The following CHD7 variants were observed in gnomAD, a reference collection of about 807,000 sequenced individuals.
CHD7 encodes the protein ATP-dependent chromatin remodeler CHD7.
In CHD7, 24 loss-of-function variants were observed where a neutral mutation model predicts 307.3. That is an observed-to-expected ratio of 0.08 (90% confidence interval 0.06 to 0.11). CHD7 has a LOEUF of 0.11. Among genes scored for constraint, CHD7 ranks in the 10% least tolerant of loss-of-function variants. The probability of loss-of-function intolerance (pLI) is 1.00; values close to 1 mark genes in which losing one functional copy is unlikely to be tolerated. For synonymous variants in CHD7, 1,363 were observed against 1,349.9 expected (o/e 1.01, Z -0.21); for missense variants, 3,106 against 3,727.1 (o/e 0.83, Z 4.34).
At chr8:60,754,286 A>T (rs1432081718) in intron 2 of CHD7, among the ~76,000 whole-genome samples, 1 of 152,228 alleles carries the variant, frequency 6.6e-6, no homozygotes, top group Non-Finnish European at 1.5e-5. Flanking sequence ...TAAATGATAC[A>T]TACTTAACTT....
intron 6 of CHD7, among the ~76,000 whole-genome samples, chr8:60,803,308 G>A (rs951995477): frequency 4.6e-5 from 7 of 152,180 alleles, no homozygotes; most frequent in African/African-American, 1.4e-4. Context: ...AGGTTTAGGG[G>A]TTGCAAATTA....
intron 2 of CHD7, among the ~76,000 whole-genome samples, chr8:60,768,427 T>C (rs1810571405): frequency 6.6e-6 from 1 of 152,216 alleles, no homozygotes; most frequent in Non-Finnish European, 1.5e-5. Context: ...ACAACTTCTC[T>C]AAAAGGAGCC....
chr8:60,723,274 C>T (rs1343815319), intron 1 of CHD7, among the ~76,000 whole-genome samples: 2 of 151,968 alleles, frequency 1.3e-5, no homozygotes, highest in African/African-American at 4.8e-5. Flanking sequence ...CAATTGTTTT[C>T]TTGGAAGTAA....
intron 13 of CHD7, among the ~76,000 whole-genome samples, chr8:60,828,043 T>A (rs1283158202): frequency 1.3e-5 from 2 of 151,618 alleles, no homozygotes; most frequent in Admixed American, 1.3e-4. Flanking sequence ...GGGGAAAGAG[T>A]TCGTAAACAG....
rs371898908 is a variant in CHD7, at chr8:60,865,129, G to A, written c.8190G>A (p.Ala2730=). The A allele has an allele frequency of 1.4e-4, 233 of 1,610,820 alleles. No individual in the cohort carries two copies. Among genetic ancestry groups the A allele is most frequent in the East Asian group, 4.9e-4 (22 of 44,790 alleles). ...RPKSEIARAA[A]AAAAVASTSG... is the part of the protein sequence containing the mutation. ...AAAGTGAGATCGCCAGAGCAGCCGC[G>A]GCCGCCGCTGCTGTGGCCTCCACGT... The change falls in exon 38 of 38, where the codon GCG becomes GCA. Residue 2730 remains alanine, a synonymous_variant. Transcript: ENST00000423902. The surrounding 1 kb of genome is among the most constrained non-coding windows in gnomAD (Gnocchi z 4.3).
At chr8:60,789,709 C>CT (rs1043573528) in intron 3 of CHD7, among the ~76,000 whole-genome samples, 2 of 152,208 alleles carry the variant, frequency 1.3e-5, no homozygotes, top group African/African-American at 4.8e-5. Context: ...TTGTATCAAG[C>CT]TTTGTTTAGA....
intron 3 of CHD7, 77 bp from the exon 4 acceptor site, chr8:60,794,909 A>G: frequency 7.6e-7 from 1 of 1,309,662 alleles, no homozygotes; most frequent in Non-Finnish European, 1.1e-6. Flanking sequence ...TACTTTTGGG[A>G]TATTAATGTG....
At chr8:60,730,539 G>A (rs1465775768) in intron 1 of CHD7, among the ~76,000 whole-genome samples, 3 of 152,282 alleles carry the variant, frequency 2.0e-5, no homozygotes, top group African/African-American at 7.2e-5. Context: ...AGTGGTTTCA[G>A]TTACCTGCGG....
intron 34 of CHD7, among the ~76,000 whole-genome samples, chr8:60,858,385 CTT>C (rs1264539623): frequency 6.6e-6 from 1 of 152,208 alleles, no homozygotes; most frequent in Non-Finnish European, 1.5e-5. Context: ...CTAGCTGTGA[CTT>C]ACATGTTTTC....
At chr8:60,755,373 A>G (rs1292290848) in intron 2 of CHD7, among the ~76,000 whole-genome samples, 4 of 152,236 alleles carry the variant, frequency 2.6e-5, no homozygotes, top group Middle Eastern at 3.4e-3. Context: ...AGAATTTACT[A>G]TTTAGAGCGA....
At chr8:60,764,768 A>G (rs942362636) in intron 2 of CHD7, among the ~76,000 whole-genome samples, 7 of 152,208 alleles carry the variant, frequency 4.6e-5, no homozygotes, top group Non-Finnish European at 8.8e-5. Flanking sequence ...ATAAATGCAG[A>G]CTTGTATGGG....
At chr8:60,826,865 TG>T (rs1804275079) in intron 13 of CHD7, among the ~76,000 whole-genome samples, 1 of 152,176 alleles carries the variant, frequency 6.6e-6, no homozygotes, top group South Asian at 2.1e-4. Flanking sequence ...TGAAATTAAA[TG>T]GACATCACTT....
intron 2 of CHD7, among the ~76,000 whole-genome samples, chr8:60,761,481 T>A (rs1258746460): frequency 6.6e-6 from 1 of 151,952 alleles, no homozygotes; most frequent in Non-Finnish European, 1.5e-5. Context: ...ACCCTAAAAC[T>A]TAAAGTATAA....
chr8:60,850,330 G>A (rs367964363), intron 25 of CHD7, among the ~76,000 whole-genome samples, 163 bp from the exon 26 acceptor site: 17 of 152,182 alleles, frequency 1.1e-4, no homozygotes, highest in Non-Finnish European at 2.2e-4. Flanking sequence ...TAGAAGGAGC[G>A]TTCCATAGAA....
At chr8:60,692,407 T>G (rs990707336) in intron 1 of CHD7, among the ~76,000 whole-genome samples, 1 of 152,264 alleles carries the variant, frequency 6.6e-6, no homozygotes, top group Non-Finnish European at 1.5e-5. Flanking sequence ...TATATAGTTC[T>G]GGTTTAAATG....
At chr8:60,766,925 G>A (rs1422773988) in intron 2 of CHD7, among the ~76,000 whole-genome samples, 2 of 152,126 alleles carry the variant, frequency 1.3e-5, no homozygotes, top group Admixed American at 6.5e-5. Flanking sequence ...AGATTCTCTC[G>A]CTGGGAGAGA....
At chr8:60,829,205 C>T (rs1804388959) in intron 14 of CHD7, among the ~76,000 whole-genome samples, 1 of 152,200 alleles carries the variant, frequency 6.6e-6, no homozygotes, top group Non-Finnish European at 1.5e-5. Context: ...TGTACTCAGC[C>T]ACACCGCTTA....
At position 60,865,940 on chromosome 8, in the gene CHD7, C is replaced by A; in HGVS notation, c.*7C>A. On this transcript the variant is annotated 3_prime_UTR_variant, in exon 38 of 38. Transcript: ENST00000423902. This position sits in a 1 kb window ranked among gnomAD's most constrained non-coding sequence, Gnocchi z 4.3. ...CAATGAAAATGATGAATAACCAGTACCAGTTCCAGTTCAAGTGTTTAAAAC... is the reference window on the plus strand; with the variant it reads ...CAATGAAAATGATGAATAACCAGTAACAGTTCCAGTTCAAGTGTTTAAAAC... 1 of 1,585,418 alleles carries A rather than the reference C, an allele frequency of 6.3e-7. No individual in the cohort carries two copies. Among genetic ancestry groups the A allele is most frequent in the Non-Finnish European group, 8.6e-7 (1 of 1,164,894 alleles).
chr8:60,865,129 G>C lies in CHD7; in HGVS notation c.8190G>C (p.Ala2730=). Residue 2730 remains alanine, a synonymous_variant, in exon 38 of 38, where the codon GCG becomes GCC. Transcript: ENST00000423902. This position sits in a 1 kb window ranked among gnomAD's most constrained non-coding sequence, Gnocchi z 4.3. ...AAAGTGAGATCGCCAGAGCAGCCGC[G>C]GCCGCCGCTGCTGTGGCCTCCACGT... ...RPKSEIARAA[A]AAAAVASTSG... 1 of 1,610,938 alleles carries C rather than the reference G, an allele frequency of 6.2e-7. No individual in the cohort carries two copies. The highest frequency in any genetic ancestry group is 2.2e-5 in the East Asian group (1 of 44,778).
Sources: gnomAD v4.1 joint callset for allele counts (sites outside exome capture counted in the v4.1 genomes callset) on GRCh38, gnomAD v4.1.1 for gene constraint, Gnocchi (gnomAD v3.1) non-coding constraint, MANE v1.5 for transcripts, NCBI Gene and HGNC (gene_info 2026-07-23, HGNC 2026-07-21) for gene names.